Variants in STS observed in about 807,000 individuals in gnomAD.
STS encodes the protein steroid sulfatase.
STS carries 7 observed loss-of-function variants against 26.8 expected under a neutral mutation model. That is an observed-to-expected ratio of 0.26 (90% CI 0.15 to 0.49). The LOEUF (loss-of-function observed/expected upper bound fraction) is 0.49. STS is among the 20% of genes least tolerant of loss of function. The probability of loss-of-function intolerance (pLI) is 0.98; values close to 1 mark genes in which losing one functional copy is unlikely to be tolerated. For missense variants in STS, 434 were observed against 465.6 expected (o/e 0.93, Z 0.63); for synonymous variants, 199 against 189.4 (o/e 1.05, Z -0.42).
intron 2 of STS, among the ~76,000 whole-genome samples, chrX:7,196,540 T>C (rs802910): frequency 0.32 from 35,271 of 110,187 alleles, 4,337 homozygotes; most frequent in Middle Eastern, 0.46. Context: ...TATGCATATG[T>C]GTGTATACAC....
chrX:7,297,143 T>C lies in STS; in HGVS notation c.944-7903T>C, dbSNP rs1401181679. ...TTATGAGCATTGTTACTGAGAACTG[T>C]GAAATTCCAGCCATCTCTTTTTATA... On this transcript the variant is annotated intron_variant, in intron 7 of 10. Coordinates refer to ENST00000674429, the MANE Select transcript of STS (RefSeq NM_001320752.2). 5.4e-5 allele frequency among the ~76,000 whole-genome samples: 6 copies of C among 112,137 alleles called. No homozygotes were observed. The Admixed American group carries it at 5.7e-4, about 11-fold the overall frequency.
upstream of STS, among the ~76,000 whole-genome samples, chrX:7,147,552 C>T (rs1354010677): frequency 1.8e-5 from 2 of 112,298 alleles, no homozygotes; most frequent in African/African-American, 6.5e-5. Flanking sequence ...CGCTACCATG[C>T]AGGATGCTAC....
intron 2 of STS, among the ~76,000 whole-genome samples, chrX:7,223,110 G>A (rs1042036909): frequency 9.0e-6 from 1 of 111,620 alleles, no homozygotes; most frequent in Admixed American, 9.5e-5. Flanking sequence ...AGTATTCCAC[G>A]GAATATATAT....
chrX:7,193,356 G>A (rs1432587755), intron 2 of STS, among the ~76,000 whole-genome samples: 2 of 111,766 alleles, frequency 1.8e-5, no homozygotes, highest in Non-Finnish European at 3.8e-5. Context: ...AAAGTCTTTA[G>A]CACCAGCTAA....
intron 7 of STS, among the ~76,000 whole-genome samples, chrX:7,282,478 G>A (rs778869120): frequency 1.8e-5 from 2 of 112,290 alleles, no homozygotes; most frequent in East Asian, 5.6e-4. Flanking sequence ...TAGGATTACA[G>A]GCGTGAGCCT....
rs768278727 is a variant in STS, at chrX:7,352,920, G to T, written c.*2659G>T. ...CCCACTTCTCAGATTTTTCTGAAGG[G>T]CATACAATGAAAAGTGAAGGGGAAA... On this transcript the variant is annotated 3_prime_UTR_variant, in exon 11 of 11. Transcript: ENST00000674429. 10 of 110,532 alleles carry T rather than the reference G, an allele frequency of 9.0e-5. No individual in the cohort carries two copies. Among genetic ancestry groups the T allele is most frequent in the African/African-American group, 3.3e-4 (10 of 30,298 alleles). The allele number at this position is 110,532 out of a possible 1,213,427, so 9.1% of individuals were successfully genotyped here. A position where few individuals can be genotyped will look rare whatever the true frequency, so the allele number is the denominator to read the frequency against.
intron 2 of STS, among the ~76,000 whole-genome samples, chrX:7,216,159 AC>A (rs746829237): frequency 1.4e-3 from 162 of 112,182 alleles, no homozygotes; most frequent in African/African-American, 4.7e-3. Flanking sequence ...TAACAGTGAT[AC>A]AACTGACATC....
At chrX:7,265,885 A>C (rs1330472226) in intron 6 of STS, among the ~76,000 whole-genome samples, 1 of 112,254 alleles carries the variant, frequency 8.9e-6, no homozygotes, top group Non-Finnish European at 1.9e-5. Flanking sequence ...GTCCTGAGAG[A>C]ATGGCCTTGA....
intron 6 of STS, among the ~76,000 whole-genome samples, chrX:7,263,788 AAT>A (rs1239548457): frequency 9.5e-6 from 1 of 105,775 alleles, no homozygotes; most frequent in East Asian, 3.0e-4. Context: ...TGTATGTGTA[AAT>A]ATGTGTGTGT....
At chrX:7,147,307 A>C (rs1296225661), upstream of STS, among the ~76,000 whole-genome samples, 6 of 111,591 alleles carry the variant, frequency 5.4e-5, no homozygotes, top group African/African-American at 2.0e-4. Flanking sequence ...CACCCTAGGC[A>C]GCCAGGCCAC....
chrX:7,240,513 GTGTGTGTGTGTGTGTGTGTGTATA>G (rs1260899352), intron 2 of STS, among the ~76,000 whole-genome samples: 1 of 13,178 alleles, frequency 7.6e-5, no homozygotes, highest in Non-Finnish European at 1.8e-4. Flanking sequence ...GTGTGTGTGT[GTGTGTGTGTGTGTGTGTGTGTATA>G]TATATATATA....
intron 2 of STS, among the ~76,000 whole-genome samples, chrX:7,243,363 G>T (rs756620518): frequency 8.9e-6 from 1 of 112,044 alleles, no homozygotes; most frequent in African/African-American, 3.2e-5. Context: ...GCATCTGGTC[G>T]CATTTTGGAA....
intron 7 of STS, among the ~76,000 whole-genome samples, chrX:7,281,783 G>T (rs1323297641): frequency 8.9e-6 from 1 of 112,233 alleles, no homozygotes; most frequent in Non-Finnish European, 1.9e-5. Context: ...GGTTGTAATG[G>T]ATTATCCATT....
chrX:7,194,199 G>A (rs1311384424), intron 2 of STS, among the ~76,000 whole-genome samples: 1 of 111,433 alleles, frequency 9.0e-6, no homozygotes, highest in Non-Finnish European at 1.9e-5. Flanking sequence ...AATGGGAAAG[G>A]CTGATTGGCA....
intron 2 of STS, among the ~76,000 whole-genome samples, chrX:7,214,981 CAT>C (rs1271635413): frequency 7.2e-4 from 27 of 37,702 alleles, no homozygotes; most frequent in Non-Finnish European, 6.9e-4. Flanking sequence ...TGTATATATA[CAT>C]ATATATACGT....
chrX:7,246,163 C>T (rs1922858706), intron 2 of STS, among the ~76,000 whole-genome samples: 1 of 111,659 alleles, frequency 9.0e-6, no homozygotes, highest in Admixed American at 9.5e-5. Context: ...GAGCACACAT[C>T]ATCTTGAGCC....
chrX:7,205,059 T>C (rs1329360655), intron 2 of STS, among the ~76,000 whole-genome samples: 2 of 111,912 alleles, frequency 1.8e-5, no homozygotes, highest in African/African-American at 6.5e-5. Flanking sequence ...ACTGGTGGGC[T>C]TGGGCATGTG....
intron 8 of STS, among the ~76,000 whole-genome samples, chrX:7,315,298 A>T (rs1232573773): frequency 1.1e-4 from 12 of 112,005 alleles, no homozygotes; most frequent in African/African-American, 3.9e-4. Flanking sequence ...CATAAACTTG[A>T]ACTTGAAAAA....
At chrX:7,227,470 G>C (rs1251637381) in intron 2 of STS, among the ~76,000 whole-genome samples, 1 of 102,637 alleles carries the variant, frequency 9.7e-6, no homozygotes, top group African/African-American at 3.5e-5. Context: ...TTTTATAAAA[G>C]CAAGCTTTAT....
Sources: allele counts gnomAD v4.1 joint callset (sites outside exome capture counted in the v4.1 genomes callset), GRCh38; gene constraint gnomAD v4.1.1; transcripts MANE v1.5; gene names NCBI Gene and HGNC (gene_info 2026-07-23, HGNC 2026-07-21).